Variants in SGPP2 observed in about 807,000 individuals in gnomAD.
SGPP2 encodes the protein sphingosine-1-phosphate phosphatase 2.
SGPP2 carries 30 observed loss-of-function variants against 33.9 expected under a neutral mutation model. The ratio of observed to expected loss-of-function variants is 0.89; its 90% confidence interval spans 0.66 to 1.20. The LOEUF (loss-of-function observed/expected upper bound fraction) is 1.20. Ranked by LOEUF, SGPP2 falls within the 50% of genes most tolerant of loss-of-function variation. SGPP2 has a pLI of 0.00. For missense variants in SGPP2, 458 were observed against 532.1 expected, an observed-to-expected ratio of 0.86 and a Z score of 1.37; for synonymous variants, 233 against 225.0, an observed-to-expected ratio of 1.04 and a Z score of -0.32.
rs190566590 is a variant in SGPP2, at chr2:222,477,946, G to A, written c.378+3220G>A. Among the ~76,000 whole-genome samples the A allele has an allele frequency of 2.6e-3, 392 of 152,234 alleles. 1 individual carries two copies. Among genetic ancestry groups the A allele is most frequent in the South Asian group, 5.0e-3 (24 of 4,820 alleles). ...AAAGGAAGAAATAACCTCTGAATCT[G>A]CAGTTTGTCCTGAGGTTTGGCCACC... On this transcript the variant is annotated intron_variant, in intron 2 of 4. Transcript: ENST00000321276. This position sits in a 1 kb window ranked among gnomAD's most constrained non-coding sequence, Gnocchi z 6.0.
chr2:222,489,732 G>A (rs553544876), intron 2 of SGPP2, among the ~76,000 whole-genome samples: 9 of 152,242 alleles, frequency 5.9e-5, no homozygotes, highest in African/African-American at 1.4e-4. Flanking sequence ...TTGGGAGGCC[G>A]AGGCAGGTGG....
At chr2:222,541,553 A>T (rs1337941630) in intron 4 of SGPP2, among the ~76,000 whole-genome samples, 3 of 152,150 alleles carry the variant, frequency 2.0e-5, no homozygotes, top group Admixed American at 6.5e-5. Flanking sequence ...TAGGACAAGA[A>T]ATGTGCATCC....
In SGPP2 at chr2:222,550,080, A is replaced by G. The variant is rs1308617834; in HGVS notation, c.649-8267A>G. Among the ~76,000 whole-genome samples the G allele has an allele frequency of 1.3e-5, 2 of 152,020 alleles. No individual in the cohort carries two copies. The highest frequency in any genetic ancestry group is 2.9e-5 in the Non-Finnish European group (2 of 67,992). ...TTTTTGGTAGAGACAGGGTTTCACC[A>G]TATTGGCCAGACTGGTCCTGAACTC... On this transcript the variant is annotated intron_variant, in intron 4 of 4. Coordinates refer to ENST00000321276, the MANE Select transcript of SGPP2 (RefSeq NM_152386.4). This position sits in a 1 kb window ranked among gnomAD's most constrained non-coding sequence, Gnocchi z 4.5.
intron 1 of SGPP2, among the ~76,000 whole-genome samples, 165 bp downstream of exon 1, chr2:222,424,986 A>G (rs1194243126): frequency 2.0e-5 from 3 of 152,176 alleles, no homozygotes; most frequent in Non-Finnish European, 4.4e-5. Context: ...GCCTTCCAGT[A>G]ACCAGGATGC....
intron 2 of SGPP2, among the ~76,000 whole-genome samples, chr2:222,488,832 C>T (rs59407750): frequency 0.028 from 4,209 of 152,170 alleles, 209 homozygotes; most frequent in African/African-American, 0.096. Flanking sequence ...TTAATAGAAA[C>T]AGATGTTAGG....
chr2:222,430,021 G>T (rs995022345), intron 1 of SGPP2, among the ~76,000 whole-genome samples: 2 of 152,146 alleles, frequency 1.3e-5, no homozygotes, highest in African/African-American at 4.8e-5. Context: ...CAGACTTAGA[G>T]ACATAAAGAT....
intron 2 of SGPP2, among the ~76,000 whole-genome samples, chr2:222,511,818 C>T (rs913577768): frequency 6.6e-6 from 1 of 151,998 alleles, no homozygotes; most frequent in African/African-American, 2.4e-5. Flanking sequence ...GCTGGGACTA[C>T]AGGTGTTCCC....
chr2:222,556,467 C>A (rs1162837954), intron 4 of SGPP2, among the ~76,000 whole-genome samples: 1 of 142,208 alleles, frequency 7.0e-6, no homozygotes, highest in East Asian at 2.1e-4. Context: ...CTCACTCCCC[C>A]GCATCCACTC....
At chr2:222,447,574 A>G (rs1406289443) in intron 1 of SGPP2, among the ~76,000 whole-genome samples, 1 of 152,266 alleles carries the variant, frequency 6.6e-6, no homozygotes, top group African/African-American at 2.4e-5. Flanking sequence ...TTGCAGAACC[A>G]TAGAGGGAAC....
rs1242694847 is a variant in SGPP2, at chr2:222,560,319, C to A, written c.*1421C>A. 1 of 152,218 alleles carries A rather than the reference C, an allele frequency of 6.6e-6. No individual in the cohort carries two copies. The highest frequency in any genetic ancestry group is 1.5e-5 in the Non-Finnish European group (1 of 68,048). 9.4% of individuals were successfully genotyped at this position (152,218 alleles called of 1,614,324 possible). A position where few individuals can be genotyped will look rare whatever the true frequency, so the allele number is the denominator to read the frequency against. ...CAGTTACCTTCTGTAAATCTATTTT[C>A]TCATCTACTGAATAGAATCAGGCGC... On this transcript the variant is annotated 3_prime_UTR_variant, in exon 5 of 5. Coordinates refer to ENST00000321276, the MANE Select transcript of SGPP2 (RefSeq NM_152386.4).
chr2:222,452,948 G>A lies in SGPP2; in HGVS notation c.220-21620G>A, dbSNP rs564282141. On this transcript the variant is annotated intron_variant, in intron 1 of 4. Transcript: ENST00000321276. The stretch of plus-strand genomic sequence containing the variant: ...GTTCTTGCATCTGTTGAAGGCTGAG[G>A]TATTTCTGTCTCTGAAATCTATCAT... 468 of 1,567,502 alleles carry A rather than the reference G, an allele frequency of 3.0e-4. 2 individuals are homozygous for A. In the South Asian group the frequency reaches 4.0e-3, roughly 14 times the overall value.
At chr2:222,425,058 C>T (rs959817616) in intron 1 of SGPP2, among the ~76,000 whole-genome samples, 1 of 152,246 alleles carries the variant, frequency 6.6e-6, no homozygotes, top group African/African-American at 2.4e-5. Flanking sequence ...GCTTTCAATG[C>T]AGTCCATTTA....
intron 2 of SGPP2, among the ~76,000 whole-genome samples, chr2:222,492,080 G>A (rs183162441): frequency 1.4e-4 from 22 of 152,216 alleles, no homozygotes; most frequent in African/African-American, 5.1e-4. Context: ...CAGCTCCTTC[G>A]TATGCTGGCA....
Position 222,501,796 on chromosome 2 carries a change from TC to T in SGPP2, c.379-19967del, listed in dbSNP as rs1020177946. 8.4e-4 allele frequency among the ~76,000 whole-genome samples: 128 copies of T among 152,322 alleles called. 2 individuals carry two copies. The highest frequency in any genetic ancestry group is 2.9e-3 in the African/African-American group (119 of 41,580). On this transcript the variant is annotated intron_variant, in intron 2 of 4. Transcript: ENST00000321276. ...CTATGCTTTTTTCAACTAAACTTTT[TC>T]CCCACAAATTGTGAGACATATTAGA...
At chr2:222,554,340 A>G (rs1392732201) in intron 4 of SGPP2, among the ~76,000 whole-genome samples, 1 of 152,252 alleles carries the variant, frequency 6.6e-6, no homozygotes, top group East Asian at 1.9e-4. Context: ...GTGGCATAGT[A>G]TTCCACTGCG....
rs3076774 is a variant in SGPP2 at position 222,561,837 on chromosome 2, G to GAAA, written c.*2942_*2944dup. Among the ~76,000 whole-genome samples, 1 of 150,376 alleles carries GAAA rather than the reference G, an allele frequency of 6.6e-6. No homozygotes were observed. Among genetic ancestry groups the GAAA allele is most frequent in the Admixed American group, 6.6e-5 (1 of 15,110 alleles). On this transcript the variant is annotated 3_prime_UTR_variant, in exon 5 of 5. Coordinates refer to ENST00000321276, the MANE Select transcript of SGPP2 (RefSeq NM_152386.4). ...GAATCAGACAAAAATTCATCGGGGT[G>GAAA]AAAAAGGCATTACCTGATTCACACC...
intron 1 of SGPP2, among the ~76,000 whole-genome samples, chr2:222,455,012 C>G (rs1574839301): frequency 6.6e-6 from 1 of 152,104 alleles, no homozygotes; most frequent in East Asian, 1.9e-4. Context: ...ACAAGGTGCC[C>G]AGCGTCCTTG....
chr2:222,500,804 C>T (rs940939419), intron 2 of SGPP2, among the ~76,000 whole-genome samples: 25 of 152,308 alleles, frequency 1.6e-4, no homozygotes, highest in African/African-American at 6.0e-4. Context: ...TCTCCATTTC[C>T]TTCCAAGCAT....
At chr2:222,490,967 G>T (rs1430487456) in intron 2 of SGPP2, among the ~76,000 whole-genome samples, 2 of 152,092 alleles carry the variant, frequency 1.3e-5, no homozygotes, top group African/African-American at 4.8e-5. Flanking sequence ...GTGTCTTGGT[G>T]TGCCACTAAA....
Sources: gnomAD v4.1 joint callset for allele counts (sites outside exome capture counted in the v4.1 genomes callset) on GRCh38, gnomAD v4.1.1 for gene constraint, Gnocchi (gnomAD v3.1) non-coding constraint, MANE v1.5 for transcripts, NCBI Gene and HGNC (gene_info 2026-07-23, HGNC 2026-07-21) for gene names.